The following SLC35F3 variants were observed in gnomAD, a reference collection of about 807,000 sequenced individuals.
SLC35F3 encodes solute carrier family 35 member F3.
A neutral mutation model predicts 49.9 loss-of-function variants in SLC35F3; 25 were observed. The ratio of observed to expected loss-of-function variants is 0.50; its 90% CI spans 0.37 to 0.70. The LOEUF is 0.70. Ranked by LOEUF, SLC35F3 falls within the 30% of genes least tolerant of loss-of-function variation. The pLI is 0.00. For missense variants in SLC35F3, 525 were observed against 639.8 expected, an observed-to-expected ratio of 0.82 and a Z score of 1.94; for synonymous variants, 275 against 265.4, an observed-to-expected ratio of 1.04 and a Z score of -0.35.
In SLC35F3 at chr1:234,214,195, G is replaced by C. The variant is rs1369370604; in HGVS notation, c.284-17222G>C. ...GCAGGTGAGCTGCGGGGTGGGAGCAGGGAGTGCACTTGTACGTGACGTTGG... is the reference window on the plus strand; with the variant it reads ...GCAGGTGAGCTGCGGGGTGGGAGCACGGAGTGCACTTGTACGTGACGTTGG... On this transcript the variant is annotated intron_variant, in intron 2 of 7. Coordinates refer to ENST00000366618, the MANE Select transcript of SLC35F3 (RefSeq NM_173508.4). This position sits in a 1 kb window ranked among gnomAD's most constrained non-coding sequence, Gnocchi z 8.0. 1 of 1,139,534 alleles carries C rather than the reference G, an allele frequency of 8.8e-7. No individual in the cohort carries two copies. Among genetic ancestry groups the C allele is most frequent in the African/African-American group, 1.6e-5 (1 of 61,294 alleles). The allele number at this position is 1,139,534 out of a possible 1,614,324, so 70.6% of individuals were successfully genotyped here. A position where few individuals can be genotyped will look rare whatever the true frequency, so the allele number is the denominator to read the frequency against.
intron 3 of SLC35F3, among the ~76,000 whole-genome samples, chr1:234,293,920 T>C (rs190900081): frequency 6.6e-6 from 1 of 152,358 alleles, no homozygotes; most frequent in East Asian, 1.9e-4. Flanking sequence ...ATCTTCGTCT[T>C]ACTCCAGGTT....
At position 234,198,653 on chromosome 1, in the gene SLC35F3, A is replaced by T. The variant is rs150352611; in HGVS notation, c.284-32764A>T. On this transcript the variant is annotated intron_variant, in intron 2 of 7. Coordinates refer to ENST00000366618, the MANE Select transcript of SLC35F3 (RefSeq NM_173508.4). The stretch of plus-strand genomic sequence containing the variant: ...TTTTGTTCATCAACAATTAATAATT[A>T]TATATATGTATGGGGTACAATGTGA... Among the ~76,000 whole-genome samples the T allele has an allele frequency of 6.0e-3, 919 of 152,292 alleles. 7 individuals are homozygous for T. Among genetic ancestry groups the T allele is most frequent in the South Asian group, 0.03 (146 of 4,828 alleles).
intron 2 of SLC35F3, among the ~76,000 whole-genome samples, chr1:234,098,171 A>T (rs566671409): frequency 1.7e-4 from 18 of 107,744 alleles, no homozygotes; most frequent in African/African-American, 5.5e-4. Flanking sequence ...TACGGTGATG[A>T]TGGAGGTGGT....
intron 2 of SLC35F3, among the ~76,000 whole-genome samples, chr1:233,971,527 C>T (rs1038006928): frequency 3.9e-5 from 6 of 152,082 alleles, no homozygotes; most frequent in African/African-American, 1.2e-4. Context: ...CAAGACCAGC[C>T]CAGCCAACAT....
At chr1:234,267,522 T>A (rs1380359578) in intron 3 of SLC35F3, among the ~76,000 whole-genome samples, 51 of 128,504 alleles carry the variant, frequency 4.0e-4, no homozygotes, top group African/African-American at 8.3e-4. Flanking sequence ...CCCCCCCACC[T>A]CCCTCCCGGA....
At chr1:234,216,667 C>T (rs28516047) in intron 2 of SLC35F3, among the ~76,000 whole-genome samples, 37,074 of 152,152 alleles carry the variant, frequency 0.24, 5,220 homozygotes, top group African/African-American at 0.38. Flanking sequence ...GTATAGTGAA[C>T]TAAGAAATGG....
chr1:233,923,083 A>C (rs1374375997), intron 2 of SLC35F3, among the ~76,000 whole-genome samples: 2 of 152,176 alleles, frequency 1.3e-5, no homozygotes, highest in African/African-American at 4.8e-5. Context: ...AGGTAGCGTG[A>C]TGCCTCCAGG....
At chr1:234,066,830 C>CCACACACACA (rs61401819) in intron 2 of SLC35F3, among the ~76,000 whole-genome samples, 6 of 135,120 alleles carry the variant, frequency 4.4e-5, no homozygotes, top group African/African-American at 1.7e-4. Context: ...CCTCTCTCTC[C>CCACACACACA]CACACACACA....
chr1:234,319,669 C>A (rs139927862), intron 6 of SLC35F3, among the ~76,000 whole-genome samples: 28 of 152,248 alleles, frequency 1.8e-4, no homozygotes, highest in African/African-American at 6.3e-4. Context: ...CCACTGTGCA[C>A]CACACTCCAG....
At chr1:234,183,570 C>T (rs1250341664) in intron 2 of SLC35F3, among the ~76,000 whole-genome samples, 4 of 142,706 alleles carry the variant, frequency 2.8e-5, no homozygotes, top group African/African-American at 7.3e-5. Flanking sequence ...TGCATAAATA[C>T]GTAGCAGGCT....
intron 2 of SLC35F3, among the ~76,000 whole-genome samples, chr1:233,951,167 A>C (rs1018877826): frequency 6.6e-6 from 1 of 151,896 alleles, no homozygotes. Context: ...AGAGTCATGC[A>C]CCATGTAACA....
chr1:234,045,702 C>T (rs1253444928), intron 2 of SLC35F3, among the ~76,000 whole-genome samples: 1 of 150,850 alleles, frequency 6.6e-6, no homozygotes, highest in East Asian at 2.0e-4. Flanking sequence ...GTGCCACGTT[C>T]ATTTTAAGGT....
intron 2 of SLC35F3, among the ~76,000 whole-genome samples, chr1:234,040,978 G>C (rs539290663): frequency 2.2e-4 from 33 of 152,310 alleles, no homozygotes; most frequent in African/African-American, 7.7e-4. Context: ...TTGGCTGAAC[G>C]TAAGACGTGT....
At chr1:234,145,706 T>C (rs1346623545) in intron 2 of SLC35F3, among the ~76,000 whole-genome samples, 7 of 152,206 alleles carry the variant, frequency 4.6e-5, no homozygotes, top group Non-Finnish European at 1.0e-4. Context: ...ATTTACAGTA[T>C]ACAGAAGATA....
chr1:234,210,110 C>T lies in SLC35F3; in HGVS notation c.284-21307C>T, dbSNP rs146896702. Among the ~76,000 whole-genome samples the T allele has an allele frequency of 6.6e-3, 998 of 152,208 alleles. 9 individuals carry two copies. The highest frequency in any genetic ancestry group is 0.048 in the Middle Eastern group (14 of 294). On this transcript the variant is annotated intron_variant, in intron 2 of 7. Coordinates refer to ENST00000366618, the MANE Select transcript of SLC35F3 (RefSeq NM_173508.4). Reference sequence around the variant, plus strand: ...GTAAGTCTCATGAGAAACGATGGTTCTATAATGGAGAGTTTCCCTGCACAA... The same window carrying T: ...GTAAGTCTCATGAGAAACGATGGTTTTATAATGGAGAGTTTCCCTGCACAA...
chr1:234,114,763 AT>A (rs1269130034), intron 2 of SLC35F3, among the ~76,000 whole-genome samples: 2 of 152,194 alleles, frequency 1.3e-5, no homozygotes, highest in African/African-American at 4.8e-5. Flanking sequence ...GGCGTTTTTC[AT>A]TGTGCAGACA....
intron 2 of SLC35F3, among the ~76,000 whole-genome samples, chr1:234,189,426 G>A (rs1157624818): frequency 6.6e-6 from 1 of 151,434 alleles, no homozygotes; most frequent in Non-Finnish European, 1.5e-5. Flanking sequence ...AAGATGTACT[G>A]GAAAGTCTCA....
chr1:233,919,506 G>C (rs542805200), intron 2 of SLC35F3, among the ~76,000 whole-genome samples: 2 of 152,210 alleles, frequency 1.3e-5, no homozygotes, highest in East Asian at 3.9e-4. Context: ...TTCTTTAAAT[G>C]GTCTAATGTT....
intron 2 of SLC35F3, among the ~76,000 whole-genome samples, chr1:233,936,928 G>A (rs1162740203): frequency 6.6e-6 from 1 of 152,154 alleles, no homozygotes; most frequent in African/African-American, 2.4e-5. Flanking sequence ...CTGAACTTAA[G>A]TGATCTTCCT....
Sources: allele counts gnomAD v4.1 joint callset (sites outside exome capture counted in the v4.1 genomes callset), GRCh38; gene constraint gnomAD v4.1.1; non-coding constraint Gnocchi (gnomAD v3.1); transcripts MANE v1.5; gene names NCBI Gene and HGNC (gene_info 2026-07-23, HGNC 2026-07-21).